The following SIPA1L1 variants were observed in gnomAD, a reference collection of about 807,000 sequenced individuals.
SIPA1L1 encodes the protein signal induced proliferation associated 1 like 1.
In SIPA1L1, 26 loss-of-function variants were observed where a neutral mutation model predicts 162.7. The ratio of observed to expected loss-of-function variants is 0.16; its 90% CI spans 0.12 to 0.22. SIPA1L1 has a LOEUF of 0.22. Among genes scored for constraint, SIPA1L1 ranks in the 10% least tolerant of loss-of-function variants. The pLI is 1.00. For synonymous variants in SIPA1L1, 829 were observed against 837.4 expected (o/e 0.99, Z 0.17); for missense variants, 1,874 against 2,241.0 (o/e 0.84, Z 3.31).
intron 4 of SIPA1L1, among the ~76,000 whole-genome samples, chr14:71,544,249 T>C (rs2054919306): frequency 6.9e-6 from 1 of 143,946 alleles, no homozygotes; most frequent in South Asian, 2.1e-4. Flanking sequence ...TATACACATA[T>C]GTATATACAC....
intron 2 of SIPA1L1, among the ~76,000 whole-genome samples, chr14:71,489,781 C>T (rs953425762): frequency 1.5e-4 from 23 of 151,886 alleles, no homozygotes; most frequent in Admixed American, 1.1e-3. Context: ...TGTGTTGTGC[C>T]GCATTCAAAG....
At chr14:71,737,172 C>A (rs779010591) in intron 22 of SIPA1L1, among the ~76,000 whole-genome samples, 2 of 152,204 alleles carry the variant, frequency 1.3e-5, no homozygotes, top group African/African-American at 2.4e-5. Flanking sequence ...CTGTACACCA[C>A]GGTGGGTTTT....
At chr14:71,421,591 A>AC (rs1451198631) in intron 2 of SIPA1L1, among the ~76,000 whole-genome samples, 1 of 32,852 alleles carries the variant, frequency 3.0e-5, no homozygotes, top group Non-Finnish European at 6.4e-5. Flanking sequence ...GTGAGACCTT[A>AC]TTCTTAAAAA....
At chr14:71,543,893 T>C (rs2054746500) in intron 4 of SIPA1L1, among the ~76,000 whole-genome samples, 1 of 113,584 alleles carries the variant, frequency 8.8e-6, no homozygotes, top group Non-Finnish European at 1.9e-5. Context: ...ACATATATCA[T>C]ACGTATATGT....
At chr14:71,520,062 A>G (rs1404712659) in intron 3 of SIPA1L1, among the ~76,000 whole-genome samples, 1 of 152,316 alleles carries the variant, frequency 6.6e-6, no homozygotes, top group Non-Finnish European at 1.5e-5. Flanking sequence ...TGATTGCACC[A>G]CTGCACTCAA....
At chr14:71,697,989 A>C (rs182980103) in intron 13 of SIPA1L1, among the ~76,000 whole-genome samples, 146 of 152,236 alleles carry the variant, frequency 9.6e-4, no homozygotes, top group Non-Finnish European at 1.9e-3. Context: ...GTAGTTTAGC[A>C]TGGAGTGCAG....
chr14:71,496,676 T>C (rs1200500283), intron 2 of SIPA1L1, among the ~76,000 whole-genome samples: 1 of 152,224 alleles, frequency 6.6e-6, no homozygotes, highest in African/African-American at 2.4e-5. Flanking sequence ...ATTCTGTCAA[T>C]TATTTAGAGT....
chr14:71,480,437 C>T (rs1471865347), intron 2 of SIPA1L1, among the ~76,000 whole-genome samples: 1 of 143,722 alleles, frequency 7.0e-6, no homozygotes, highest in Non-Finnish European at 1.5e-5. Flanking sequence ...AATAGACATT[C>T]TGTTTCTCTT....
At chr14:71,726,514 T>C (rs761478383) in intron 19 of SIPA1L1, among the ~76,000 whole-genome samples, 3 of 152,268 alleles carry the variant, frequency 2.0e-5, no homozygotes, top group Non-Finnish European at 4.4e-5. Flanking sequence ...GATTTACTTA[T>C]GCAGTAGAAA....
chr14:71,604,238 A>G (rs1321266771), intron 5 of SIPA1L1, among the ~76,000 whole-genome samples: 3 of 151,906 alleles, frequency 2.0e-5, no homozygotes, highest in African/African-American at 7.3e-5. Flanking sequence ...AGCTCAAGCC[A>G]TCTGCTCCAG....
rs1043304592 is a variant in SIPA1L1, at chr14:71,520,849, C to A, written c.-362+8004C>A. Among the ~76,000 whole-genome samples the A allele has an allele frequency of 3.9e-5, 6 of 152,148 alleles. No homozygotes were observed. In the East Asian group the frequency reaches 1.2e-3, roughly 29 times the overall value. On this transcript the variant is annotated intron_variant, in intron 3 of 23. Coordinates refer to ENST00000381232, the MANE Select transcript of SIPA1L1 (RefSeq NM_001386936.1). ...CTCACTGCAGCCTCCATCTCCCAGG[C>A]TCAGGTGATCCTCCCACCTCAGCCC...
At chr14:71,494,889 T>G (rs1159202525) in intron 2 of SIPA1L1, among the ~76,000 whole-genome samples, 1 of 152,162 alleles carries the variant, frequency 6.6e-6, no homozygotes, top group Non-Finnish European at 1.5e-5. Context: ...TCCACCTGCC[T>G]TGGCCTTCCA....
At chr14:71,566,622 A>G (rs1300529076) in intron 4 of SIPA1L1, among the ~76,000 whole-genome samples, 1 of 152,200 alleles carries the variant, frequency 6.6e-6, no homozygotes, top group East Asian at 1.9e-4. Context: ...AGTAATTCAA[A>G]AGTATTGATG....
At chr14:71,659,400 C>G (rs148285215) in intron 9 of SIPA1L1, among the ~76,000 whole-genome samples, 209 of 152,244 alleles carry the variant, frequency 1.4e-3, no homozygotes, top group Non-Finnish European at 2.5e-3. Flanking sequence ...AAAGTTTTGC[C>G]TTTCATGATT....
At chr14:71,420,890 C>T (rs2043144316) in intron 2 of SIPA1L1, among the ~76,000 whole-genome samples, 1 of 152,172 alleles carries the variant, frequency 6.6e-6, no homozygotes, top group Non-Finnish European at 1.5e-5. Flanking sequence ...AGCCCTAGTC[C>T]ATGTTTTCTC....
chr14:71,538,230 T>G (rs750138479), intron 4 of SIPA1L1, among the ~76,000 whole-genome samples: 3 of 152,236 alleles, frequency 2.0e-5, no homozygotes, highest in Non-Finnish European at 4.4e-5. Context: ...CTTCAGGTTT[T>G]AAGGTAAGAA....
Position 71,741,049 on chromosome 14 carries a change from T to A in SIPA1L1, c.*1888T>A, listed in dbSNP as rs1248570408. 1 of 152,204 alleles carries A rather than the reference T, an allele frequency of 6.6e-6. No individual in the cohort carries two copies. Among genetic ancestry groups the A allele is most frequent in the Admixed American group, 6.5e-5 (1 of 15,282 alleles). The allele number at this position is 152,204 out of a possible 1,614,324, so 9.4% of individuals were successfully genotyped here. ...ATTTTAAACGCTCTTTTAAAACACT[T>A]TGGTATTATTGCTTGAGGTTTGCTT... On this transcript the variant is annotated 3_prime_UTR_variant, in exon 24 of 24. Transcript: ENST00000381232.
intron 2 of SIPA1L1, among the ~76,000 whole-genome samples, chr14:71,472,805 T>A (rs1315888798): frequency 2.8e-5 from 4 of 144,550 alleles, no homozygotes; most frequent in Non-Finnish European, 4.5e-5. Context: ...TAAAAATGGT[T>A]ATCTTGCTAA....
chr14:71,390,936 T>C (rs1334498335), intron 2 of SIPA1L1, among the ~76,000 whole-genome samples: 1 of 152,134 alleles, frequency 6.6e-6, no homozygotes, highest in Non-Finnish European at 1.5e-5. Flanking sequence ...TGACAATATA[T>C]CTTGCTTCAT....
Sources: gnomAD v4.1 joint callset for allele counts (sites outside exome capture counted in the v4.1 genomes callset) on GRCh38, gnomAD v4.1.1 for gene constraint, MANE v1.5 for transcripts, NCBI Gene and HGNC (gene_info 2026-07-23, HGNC 2026-07-21) for gene names.